Variants in CCDC170 observed in about 807,000 individuals in gnomAD.
CCDC170 encodes the protein coiled-coil domain-containing protein 170.
In CCDC170, 69 loss-of-function variants were observed where a neutral mutation model predicts 72.6. That is an observed-to-expected ratio of 0.95 (90% CI 0.78 to 1.16). The LOEUF is 1.16. Ranked by LOEUF, CCDC170 falls within the 50% of genes most tolerant of loss-of-function variation. CCDC170 has a pLI of 0.00. For missense variants in CCDC170, 852 were observed against 832.5 expected (o/e 1.02, Z -0.29); for synonymous variants, 300 against 303.9 (o/e 0.99, Z 0.13).
intron 1 of CCDC170, among the ~76,000 whole-genome samples, chr6:151,499,373 A>G (rs1173051364): frequency 7.0e-6 from 1 of 142,534 alleles, no homozygotes; most frequent in Non-Finnish European, 1.5e-5. Context: ...GGCACGCTGT[A>G]TAAGTGGAAT....
At chr6:151,561,156 T>G (rs1240407806) in intron 5 of CCDC170, among the ~76,000 whole-genome samples, 1 of 152,124 alleles carries the variant, frequency 6.6e-6, no homozygotes, top group African/African-American at 2.4e-5. Context: ...TGTGTAATAA[T>G]CATATCATGA....
intron 5 of CCDC170, among the ~76,000 whole-genome samples, chr6:151,568,538 C>G (rs1057071815): frequency 2.6e-5 from 4 of 152,224 alleles, no homozygotes; most frequent in African/African-American, 9.6e-5. Flanking sequence ...TGCCACTATT[C>G]TATCACATCT....
intron 5 of CCDC170, among the ~76,000 whole-genome samples, chr6:151,567,655 T>C (rs979683836): frequency 6.6e-6 from 1 of 152,228 alleles, no homozygotes; most frequent in African/African-American, 2.4e-5. Context: ...AGAAATGGGT[T>C]CTGGATTTTA....
chr6:151,599,582 T>G (rs1245474748), intron 9 of CCDC170, among the ~76,000 whole-genome samples: 22 of 152,054 alleles, frequency 1.4e-4, no homozygotes, highest in Admixed American at 1.4e-3. Flanking sequence ...CACTAAGATG[T>G]TTGGACTTAT....
chr6:151,522,591 T>G, intron 1 of CCDC170, among the ~76,000 whole-genome samples: 1 of 152,074 alleles, frequency 6.6e-6, no homozygotes, highest in Non-Finnish European at 1.5e-5. Flanking sequence ...CCCTAGCCAA[T>G]AGGAGAACAA....
chr6:151,617,826 A>T (rs752696196), intron 10 of CCDC170, 121 bp from the exon 11 acceptor site: 108 of 814,996 alleles, frequency 1.3e-4, no homozygotes, highest in Non-Finnish European at 1.9e-4. Context: ...AAGAGAGTAG[A>T]TAATTTCCCT....
chr6:151,548,551 G>T, intron 5 of CCDC170, 62 bp downstream of exon 5: 2 of 1,407,252 alleles, frequency 1.4e-6, no homozygotes, highest in East Asian at 4.6e-5. Context: ...AAATGGAAGA[G>T]ATGGATGTCA....
At chr6:151,545,926 G>A (rs1027297366) in intron 4 of CCDC170, among the ~76,000 whole-genome samples, 2 of 151,926 alleles carry the variant, frequency 1.3e-5, no homozygotes, top group African/African-American at 2.4e-5. Flanking sequence ...GGGCCACCAT[G>A]CCCAGCACCC....
chr6:151,592,182 A>AC (rs749979211), intron 7 of CCDC170, among the ~76,000 whole-genome samples: 3 of 151,760 alleles, frequency 2.0e-5, no homozygotes, highest in Non-Finnish European at 4.4e-5. Context: ...ATATGGTGAA[A>AC]CCCCGTCTCT....
chr6:151,526,136 C>T (rs1234636607), intron 1 of CCDC170, among the ~76,000 whole-genome samples: 1 of 150,402 alleles, frequency 6.6e-6, no homozygotes, highest in Non-Finnish European at 1.5e-5. Context: ...TCCTTCCTTC[C>T]CTCCCTCCCT....
In CCDC170 at chr6:151,538,235, C is replaced by T. The variant is rs759707637; in HGVS notation, c.377C>T (p.Ala126Val). ...TCTAAAATCAGAACAGAAATCACAG[C>T]TCACGCTGCAATCAAGGAGAACCAG... ...STSKIRTEIT[A>V]HAAIKENQEL... The change falls in exon 3 of 11, where the codon GCT becomes GTT. Residue 126 changes from alanine to valine, a missense_variant. Transcript: ENST00000239374. The T allele has an allele frequency of 1.2e-6, 2 of 1,613,614 alleles. No individual in the cohort carries two copies. The highest frequency in any genetic ancestry group is 1.7e-6 in the Non-Finnish European group (2 of 1,179,746).
At chr6:151,534,696 T>G (rs1269471479) in intron 1 of CCDC170, among the ~76,000 whole-genome samples, 1 of 152,232 alleles carries the variant, frequency 6.6e-6, no homozygotes, top group Non-Finnish European at 1.5e-5. Context: ...TAGCTATTAC[T>G]AAGAGCTCCG....
rs180978058 is a variant in CCDC170, at chr6:151,561,852, A to G, written c.775-11322A>G. ...TTCATCTTCTCTTTCAGGAATGCCA[A>G]TAAGTTGAAGATTTGTGAAGATTTG... On this transcript the variant is annotated intron_variant, in intron 5 of 10. Transcript: ENST00000239374. Among the ~76,000 whole-genome samples the G allele has an allele frequency of 1.3e-3, 192 of 152,258 alleles. 1 individual carries two copies. Among genetic ancestry groups the G allele is most frequent in the African/African-American group, 4.2e-3 (175 of 41,570 alleles).
intron 1 of CCDC170, among the ~76,000 whole-genome samples, chr6:151,533,200 C>T (rs1782517638): frequency 6.6e-6 from 1 of 151,518 alleles, no homozygotes; most frequent in African/African-American, 2.4e-5. Flanking sequence ...ACTACAGGCG[C>T]CCGCCACCAC....
intron 9 of CCDC170, among the ~76,000 whole-genome samples, chr6:151,598,698 GGA>G (rs1199878247): frequency 5.3e-5 from 8 of 152,148 alleles, no homozygotes; most frequent in African/African-American, 1.9e-4. Context: ...AAGAAGGAGG[GGA>G]GAGAAGAATC....
At chr6:151,603,240 T>C (rs918073364) in intron 9 of CCDC170, among the ~76,000 whole-genome samples, 8 of 152,196 alleles carry the variant, frequency 5.3e-5, no homozygotes, top group African/African-American at 1.9e-4. Context: ...CTTTTGAGTT[T>C]GGCATGTTTA....
At chr6:151,511,047 ATTTTATAGATG>A (rs1371176124) in intron 1 of CCDC170, among the ~76,000 whole-genome samples, 2 of 152,070 alleles carry the variant, frequency 1.3e-5, no homozygotes, top group Non-Finnish European at 2.9e-5. Context: ...CAAGGTAAGT[ATTTTATAGATG>A]TTTTATAGTT....
chr6:151,592,468 G>A (rs370753575), intron 7 of CCDC170, among the ~76,000 whole-genome samples: 1 of 152,154 alleles, frequency 6.6e-6, no homozygotes, highest in Admixed American at 6.5e-5. Context: ...GGCTTGGGAG[G>A]CCTCACAATC....
chr6:151,499,838 A>G lies in CCDC170; in HGVS notation c.57+5653A>G, dbSNP rs373501417. Reference sequence around the variant, plus strand: ...TGCATATGTCATGTTCTGTTTATCCATTCATCTGTCTCTGCACACTTGTGT... The same window carrying G: ...TGCATATGTCATGTTCTGTTTATCCGTTCATCTGTCTCTGCACACTTGTGT... On this transcript the variant is annotated intron_variant, in intron 1 of 10. Transcript: ENST00000239374. 1.1e-4 allele frequency among the ~76,000 whole-genome samples: 16 copies of G among 152,242 alleles called. No homozygotes were observed. The South Asian group carries it at 3.1e-3, about 30-fold the overall frequency.
Sources: allele counts gnomAD v4.1 joint callset (sites outside exome capture counted in the v4.1 genomes callset), GRCh38; gene constraint gnomAD v4.1.1; transcripts MANE v1.5; gene names NCBI Gene and HGNC (gene_info 2026-07-23, HGNC 2026-07-21).